Variants in PTPRM observed in about 807,000 individuals in gnomAD.
The protein encoded by PTPRM is receptor-type tyrosine-protein phosphatase mu.
In PTPRM, 47 loss-of-function variants were observed where a neutral mutation model predicts 186.7. The observed-to-expected ratio is 0.25, with a 90% CI of 0.20 to 0.32. The LOEUF (loss-of-function observed/expected upper bound fraction) is 0.32. Ranked by LOEUF, PTPRM falls within the 10% of genes least tolerant of loss-of-function variation. The pLI is 1.00. For synonymous variants in PTPRM, 668 were observed against 674.9 expected, an observed-to-expected ratio of 0.99 and a Z score of 0.16; for missense variants, 1,494 against 1,865.0, an observed-to-expected ratio of 0.80 and a Z score of 3.66.
At chr18:8,048,231 TAAG>T (rs1384110364) in intron 7 of PTPRM, among the ~76,000 whole-genome samples, 4 of 151,774 alleles carry the variant, frequency 2.6e-5, no homozygotes, top group Non-Finnish European at 5.9e-5. Context: ...GGTAGCAAAA[TAAG>T]GAGATAATTC....
At position 7,578,332 on chromosome 18, in the gene PTPRM, A is replaced by AT. The variant is rs34096793; in HGVS notation, c.73+10462dup. Among the ~76,000 whole-genome samples the AT allele has an allele frequency of 9.5e-3, 1,158 of 121,504 alleles. 8 individuals carry two copies. The highest frequency in any genetic ancestry group is 0.014 in the Non-Finnish European group (842 of 60,194). The allele number at this position is 121,504 out of a possible 152,430, so 79.7% of individuals were successfully genotyped here. A position where few individuals can be genotyped will look rare whatever the true frequency, so the allele number is the denominator to read the frequency against. ...GTGCATCACCATGCCTGGCTAATTA[A>AT]TTTTTTTTTTTTTTTTTTTTTGAGA... On this transcript the variant is annotated intron_variant, in intron 1 of 32. Transcript: ENST00000580170.
intron 20 of PTPRM, among the ~76,000 whole-genome samples, chr18:8,297,495 C>T (rs548008572): frequency 8.1e-4 from 123 of 152,296 alleles, no homozygotes; most frequent in Non-Finnish European, 1.6e-3. Flanking sequence ...CTGTCCCAGA[C>T]GGTAGCCATG....
At chr18:7,788,284 C>A (rs2145173529) in intron 2 of PTPRM, among the ~76,000 whole-genome samples, 1 of 152,196 alleles carries the variant, frequency 6.6e-6, no homozygotes, top group Admixed American at 6.5e-5. Context: ...GCCTATTTTA[C>A]TAGGCTATCA....
At chr18:7,944,858 G>T (rs562214083) in intron 5 of PTPRM, among the ~76,000 whole-genome samples, 1 of 152,242 alleles carries the variant, frequency 6.6e-6, no homozygotes, top group South Asian at 2.1e-4. Flanking sequence ...TAGAAAGCTT[G>T]CACTGACAAC....
intron 1 of PTPRM, among the ~76,000 whole-genome samples, chr18:7,730,461 A>C (rs2040635589): frequency 1.3e-5 from 2 of 152,170 alleles, no homozygotes; most frequent in Admixed American, 1.3e-4. Context: ...CTTAAAGCAC[A>C]CATAATTAGA....
chr18:8,062,992 C>G (rs1392151921), intron 7 of PTPRM, among the ~76,000 whole-genome samples: 528 of 149,366 alleles, frequency 3.5e-3, no homozygotes, highest in African/African-American at 0.012. Flanking sequence ...CCACCCAGTT[C>G]GAGCTTCCCG....
intron 7 of PTPRM, among the ~76,000 whole-genome samples, chr18:8,046,460 T>A (rs576246607): frequency 3.9e-5 from 6 of 152,302 alleles, no homozygotes; most frequent in African/African-American, 1.4e-4. Flanking sequence ...CCTCTGTGTA[T>A]CTTGCATCTA....
chr18:7,681,714 A>G lies in PTPRM; in HGVS notation c.74-92435A>G, dbSNP rs947578083. Among the ~76,000 whole-genome samples, 22 of 152,192 alleles carry G rather than the reference A, an allele frequency of 1.4e-4. 1 individual carries two copies. Among genetic ancestry groups the G allele is most frequent in the African/African-American group, 5.3e-4 (22 of 41,448 alleles). On this transcript the variant is annotated intron_variant, in intron 1 of 32. Coordinates refer to ENST00000580170, the MANE Select transcript of PTPRM (RefSeq NM_001105244.2). The stretch of plus-strand genomic sequence containing the variant: ...CTGCATAAGCCACGTTGCTCACTCA[A>G]TTCTCAATTGCATTTCTTTTAATAA...
intron 7 of PTPRM, among the ~76,000 whole-genome samples, chr18:7,983,176 C>A (rs755993954): frequency 6.6e-6 from 1 of 152,042 alleles, no homozygotes; most frequent in Admixed American, 6.6e-5. Context: ...CAGAGGCGGG[C>A]GAGCATCACC....
intron 13 of PTPRM, among the ~76,000 whole-genome samples, chr18:8,127,925 A>G (rs2092412315): frequency 6.6e-6 from 1 of 152,186 alleles, no homozygotes; most frequent in Non-Finnish European, 1.5e-5. Flanking sequence ...CAACATAAAC[A>G]GTTCAATAAA....
At chr18:8,014,402 T>A (rs2084729614) in intron 7 of PTPRM, among the ~76,000 whole-genome samples, 1 of 152,182 alleles carries the variant, frequency 6.6e-6, no homozygotes, top group South Asian at 2.1e-4. Context: ...TTTTCCTGGA[T>A]TAGTGAATTG....
intron 7 of PTPRM, among the ~76,000 whole-genome samples, chr18:8,045,573 C>G (rs2086990895): frequency 6.6e-6 from 1 of 152,068 alleles, no homozygotes; most frequent in Non-Finnish European, 1.5e-5. Flanking sequence ...TACAACAGAC[C>G]ACATTTTGTA....
intron 2 of PTPRM, among the ~76,000 whole-genome samples, chr18:7,789,217 TG>T (rs1389129305): frequency 1.3e-5 from 2 of 152,058 alleles, no homozygotes; most frequent in African/African-American, 4.8e-5. Flanking sequence ...TCCAGCTGCT[TG>T]GGAGGCTGAG....
intron 14 of PTPRM, among the ~76,000 whole-genome samples, chr18:8,216,526 C>A (rs1011638021): frequency 6.6e-6 from 1 of 152,096 alleles, no homozygotes; most frequent in Admixed American, 6.6e-5. Context: ...AATACTTTTT[C>A]TCTCATTCAT....
intron 10 of PTPRM, among the ~76,000 whole-genome samples, chr18:8,086,595 T>C (rs1250627316): frequency 6.6e-6 from 1 of 152,154 alleles, no homozygotes; most frequent in Non-Finnish European, 1.5e-5. Context: ...CTATTTTGTT[T>C]GGGGTGGAGC....
chr18:8,084,833 T>A (rs2090346780), intron 9 of PTPRM, among the ~76,000 whole-genome samples: 1 of 152,146 alleles, frequency 6.6e-6, no homozygotes, highest in Admixed American at 6.6e-5. Flanking sequence ...CTTTAAAATA[T>A]CATTTGAAAG....
Position 7,984,596 on chromosome 18 carries a change from T to TACAC in PTPRM, c.1132+29183_1132+29184insCACA, listed in dbSNP as rs1468373372. On this transcript the variant is annotated intron_variant, in intron 7 of 32. Coordinates refer to ENST00000580170, the MANE Select transcript of PTPRM (RefSeq NM_001105244.2). The stretch of plus-strand genomic sequence containing the variant: ...CCATATATATATATATATATATATA[T>TACAC]ATATATACACACACACACACACACA... Among the ~76,000 whole-genome samples, 244 of 117,984 alleles carry TACAC rather than the reference T, an allele frequency of 2.1e-3. 1 individual carries two copies. The Middle Eastern group carries it at 0.024, about 12-fold the overall frequency. The allele number at this position is 117,984 out of a possible 152,430, so 77.4% of individuals were successfully genotyped here. A position where few individuals can be genotyped will look rare whatever the true frequency, so the allele number is the denominator to read the frequency against.
intron 2 of PTPRM, among the ~76,000 whole-genome samples, chr18:7,781,112 G>A (rs1188778035): frequency 6.6e-6 from 1 of 152,036 alleles, no homozygotes; most frequent in African/African-American, 2.4e-5. Context: ...AGGCAATTTG[G>A]TATGAATTCA....
intron 2 of PTPRM, among the ~76,000 whole-genome samples, chr18:7,838,802 G>A (rs1444503046): frequency 2.0e-5 from 3 of 152,220 alleles, no homozygotes; most frequent in Non-Finnish European, 4.4e-5. Flanking sequence ...TGTCCCAGGT[G>A]CATGGAATTT....
Sources: gnomAD v4.1 joint callset for allele counts (sites outside exome capture counted in the v4.1 genomes callset) on GRCh38, gnomAD v4.1.1 for gene constraint, MANE v1.5 for transcripts, NCBI Gene and HGNC (gene_info 2026-07-23, HGNC 2026-07-21) for gene names.